The following GRB10 variants were observed in gnomAD, a reference collection of about 807,000 sequenced individuals.
GRB10 encodes growth factor receptor-bound protein 10.
GRB10 carries 20 observed loss-of-function variants against 80.9 expected under a neutral mutation model. The observed-to-expected ratio is 0.25, with a 90% CI of 0.17 to 0.36. The LOEUF is 0.36. Among genes scored for constraint, GRB10 ranks in the 10% least tolerant of loss-of-function variants. The pLI is 1.00. For missense variants in GRB10, 548 were observed against 747.7 expected, an observed-to-expected ratio of 0.73 and a Z score of 3.12; for synonymous variants, 291 against 291.5, an observed-to-expected ratio of 1.00 and a Z score of 0.02.
intron 4 of GRB10, among the ~76,000 whole-genome samples, chr7:50,728,255 T>A (rs576757165): frequency 1.3e-5 from 2 of 151,108 alleles, no homozygotes; most frequent in East Asian, 2.0e-4. Context: ...AACTACAGAA[T>A]CACTCTTTCA....
rs920190233 is a variant in GRB10 at position 50,752,890 on chromosome 7, A to G, written c.-47+2997T>C. 2.0e-5 allele frequency among the ~76,000 whole-genome samples: 3 copies of G among 152,208 alleles called. No homozygotes were observed. The South Asian group carries it at 6.2e-4, about 31-fold the overall frequency. ...AATGGGGACAGAGGAAAGCTAAGCT[A>G]TGGTCCCCAAGGAACCACAGGCCTG... is the stretch of plus-strand genomic sequence containing the variant. On this transcript the variant is annotated intron_variant, in intron 3 of 18. Coordinates refer to ENST00000401949, the MANE Select transcript of GRB10 (RefSeq NM_001350814.2).
chr7:50,758,693 A>C (rs557302538), intron 2 of GRB10, among the ~76,000 whole-genome samples: 1 of 152,258 alleles, frequency 6.6e-6, no homozygotes, highest in East Asian at 1.9e-4. Flanking sequence ...AGTTAAACAA[A>C]AAAATTAAAC....
chr7:50,776,031 A>G (rs1432008798), intron 2 of GRB10, among the ~76,000 whole-genome samples: 3 of 152,218 alleles, frequency 2.0e-5, no homozygotes, highest in Admixed American at 6.5e-5. Flanking sequence ...GAGGGGCAGC[A>G]CTGATAATCT....
At chr7:50,595,602 T>C (rs878912534) in intron 17 of GRB10, 72 bp from the exon 18 acceptor site, 1,713 of 560,964 alleles carry the variant, frequency 3.1e-3, no homozygotes, top group Middle Eastern at 7.8e-3. Flanking sequence ...CACACTCTCT[T>C]ACACACACAC....
At position 50,592,361 on chromosome 7, in the gene GRB10, G is replaced by A. The variant is rs1162584919; in HGVS notation, c.*591C>T. On this transcript the variant is annotated 3_prime_UTR_variant, in exon 19 of 19. Transcript: ENST00000401949. ...TTTCAAGTATACTGGGAAGGGCTGGGTTTGTCATTTGGGAGCTGAATCCAC... is the reference window on the plus strand; with the variant it reads ...TTTCAAGTATACTGGGAAGGGCTGGATTTGTCATTTGGGAGCTGAATCCAC... 1 of 154,584 alleles carries A rather than the reference G, an allele frequency of 6.5e-6. No individual in the cohort carries two copies. The highest frequency in any genetic ancestry group is 2.4e-5 in the African/African-American group (1 of 41,442). The allele number at this position is 154,584 out of a possible 1,614,324, so 9.6% of individuals were successfully genotyped here. A position where few individuals can be genotyped will look rare whatever the true frequency, so the allele number is the denominator to read the frequency against.
intron 8 of GRB10, among the ~76,000 whole-genome samples, chr7:50,625,229 T>C (rs1258789081): frequency 6.6e-6 from 1 of 152,226 alleles, no homozygotes; most frequent in Non-Finnish European, 1.5e-5. Flanking sequence ...CCAATTTCTA[T>C]GTGTCCTGAG....
At chr7:50,775,604 G>A (rs1283377942) in intron 2 of GRB10, among the ~76,000 whole-genome samples, 2 of 152,306 alleles carry the variant, frequency 1.3e-5, no homozygotes, top group African/African-American at 2.4e-5. Flanking sequence ...GCCCTAGTGG[G>A]GGCTCTTTTT....
intron 3 of GRB10, among the ~76,000 whole-genome samples, chr7:50,749,924 C>A (rs991138359): frequency 6.6e-6 from 1 of 152,214 alleles, no homozygotes; most frequent in Admixed American, 6.5e-5. Flanking sequence ...TTATTACATT[C>A]CTCCATCTTC....
At chr7:50,605,058 C>G in intron 15 of GRB10, 1 of 573,242 alleles carries the variant, frequency 1.7e-6, no homozygotes, top group Non-Finnish European at 3.1e-6. Context: ...TGTTCCTCTC[C>G]TGTCCCTTCC....
intron 7 of GRB10, among the ~76,000 whole-genome samples, chr7:50,627,767 C>G (rs2053211498): frequency 6.6e-6 from 1 of 152,238 alleles, no homozygotes. Flanking sequence ...CTTACCTCGA[C>G]AGCCCGGAAA....
chr7:50,600,371 C>T (rs956474635), intron 17 of GRB10, among the ~76,000 whole-genome samples: 1 of 152,166 alleles, frequency 6.6e-6, no homozygotes, highest in African/African-American at 2.4e-5. Flanking sequence ...TGTGATAAAG[C>T]TGACATCTTG....
At chr7:50,600,377 T>A (rs1256941568) in intron 17 of GRB10, among the ~76,000 whole-genome samples, 1 of 152,174 alleles carries the variant, frequency 6.6e-6, no homozygotes, top group Non-Finnish European at 1.5e-5. Context: ...AAAGCTGACA[T>A]CTTGAGTAAG....
At chr7:50,773,466 GGCAGGGGA>G (rs1185386190) in intron 2 of GRB10, among the ~76,000 whole-genome samples, 2 of 9,966 alleles carry the variant, frequency 2.0e-4, no homozygotes, top group Non-Finnish European at 3.8e-4. Flanking sequence ...GGGAGGGGAA[GGCAGGGGA>G]GGGGAAGGCA....
At chr7:50,762,835 C>T (rs977267357) in intron 2 of GRB10, among the ~76,000 whole-genome samples, 17 of 152,146 alleles carry the variant, frequency 1.1e-4, no homozygotes, top group Non-Finnish European at 1.5e-4. Flanking sequence ...GGCAAAAAGC[C>T]GGCGGGGCGC....
chr7:50,599,652 G>A (rs918316949), intron 17 of GRB10, among the ~76,000 whole-genome samples: 6 of 152,224 alleles, frequency 3.9e-5, no homozygotes, highest in South Asian at 2.1e-4. Context: ...TAAGACGGGC[G>A]GCACCAGCCG....
chr7:50,774,545 T>C (rs1008324615), intron 2 of GRB10, among the ~76,000 whole-genome samples: 2 of 152,170 alleles, frequency 1.3e-5, no homozygotes, highest in African/African-American at 2.4e-5. Flanking sequence ...TCTCCAGCCC[T>C]TTGATGGGGG....
At chr7:50,666,319 A>G (rs935838550) in intron 7 of GRB10, among the ~76,000 whole-genome samples, 3 of 152,210 alleles carry the variant, frequency 2.0e-5, no homozygotes, top group African/African-American at 7.2e-5. Context: ...TAGGGGCTCA[A>G]GGTGAGCGAA....
At chr7:50,597,353 C>T (rs1313981815) in intron 17 of GRB10, among the ~76,000 whole-genome samples, 1 of 152,238 alleles carries the variant, frequency 6.6e-6, no homozygotes, top group Admixed American at 6.5e-5. Flanking sequence ...CACTGGGGAA[C>T]ACGCGGCACC....
At position 50,766,393 on chromosome 7, in the gene GRB10, A is replaced by G. The variant is rs540484464; in HGVS notation, c.-216-10337T>C. 3.9e-5 allele frequency among the ~76,000 whole-genome samples: 6 copies of G among 152,320 alleles called. No homozygotes were observed. In the South Asian group the frequency reaches 1.0e-3, roughly 26 times the overall value. ...ACAGGCAGCTTCTGGAAATACTGAAAGACTTTGCCCTTCTATTTTCTTTTC... is the reference window on the plus strand; with the variant it reads ...ACAGGCAGCTTCTGGAAATACTGAAGGACTTTGCCCTTCTATTTTCTTTTC... On this transcript the variant is annotated intron_variant, in intron 2 of 18. Coordinates refer to ENST00000401949, the MANE Select transcript of GRB10 (RefSeq NM_001350814.2).
Sources: allele counts gnomAD v4.1 joint callset (sites outside exome capture counted in the v4.1 genomes callset), GRCh38; gene constraint gnomAD v4.1.1; transcripts MANE v1.5; gene names NCBI Gene and HGNC (gene_info 2026-07-23, HGNC 2026-07-21).